Variants in PLCH1 observed in about 807,000 individuals in gnomAD.
The protein encoded by PLCH1 is phospholipase C eta 1, also known as 1-phosphatidylinositol 4,5-bisphosphate phosphodiesterase eta-1.
Under a neutral mutation model 126.7 loss-of-function variants are expected in PLCH1, and 60 were observed. That is an observed-to-expected ratio of 0.47 (90% CI 0.38 to 0.59). The LOEUF (loss-of-function observed/expected upper bound fraction) is 0.59. Among genes scored for constraint, PLCH1 ranks in the 20% least tolerant of loss-of-function variants. The probability of loss-of-function intolerance (pLI) is 0.00; values close to 1 mark genes in which losing one functional copy is unlikely to be tolerated. For synonymous variants in PLCH1, 719 were observed against 734.9 expected, an observed-to-expected ratio of 0.98 and a Z score of 0.35; for missense variants, 1,723 against 2,040.0, an observed-to-expected ratio of 0.84 and a Z score of 2.99.
intron 2 of PLCH1, among the ~76,000 whole-genome samples, chr3:155,612,908 T>TAAAAAAA (rs59489759): frequency 0.026 from 2,406 of 93,966 alleles, 67 homozygotes; most frequent in African/African-American, 0.06. Context: ...AACTGTGTAT[T>TAAAAAAA]AAAAAAAAAA....
At chr3:155,554,758 TG>T (rs1248257821) in intron 8 of PLCH1, among the ~76,000 whole-genome samples, 1 of 152,252 alleles carries the variant, frequency 6.6e-6, no homozygotes, top group Non-Finnish European at 1.5e-5. Flanking sequence ...TATGTGAATT[TG>T]GGCAAATAAC....
intron 12 of PLCH1, among the ~76,000 whole-genome samples, chr3:155,512,639 C>T (rs1020986230): frequency 2.0e-5 from 3 of 152,104 alleles, no homozygotes; most frequent in African/African-American, 7.2e-5. Context: ...AGCACGGTAC[C>T]AGGAAATGAA....
At chr3:155,636,056 AT>A (rs1738681613) in intron 2 of PLCH1, among the ~76,000 whole-genome samples, 1 of 152,170 alleles carries the variant, frequency 6.6e-6, no homozygotes, top group Non-Finnish European at 1.5e-5. Flanking sequence ...GCCTCAAATC[AT>A]TTCATCGTAT....
At chr3:155,543,683 G>A (rs983745166) in intron 10 of PLCH1, among the ~76,000 whole-genome samples, 3 of 151,722 alleles carry the variant, frequency 2.0e-5, no homozygotes, top group African/African-American at 2.4e-5. Context: ...GACTAACAGC[G>A]GATCTCTCGG....
intron 10 of PLCH1, among the ~76,000 whole-genome samples, chr3:155,529,749 A>C (rs1234587139): frequency 1.3e-5 from 1 of 79,334 alleles, no homozygotes; most frequent in African/African-American, 3.8e-5. Flanking sequence ...GACTGTGGCA[A>C]TTTGCTTCTT....
intron 2 of PLCH1, among the ~76,000 whole-genome samples, chr3:155,670,335 CA>C (rs1743281170): frequency 6.6e-6 from 1 of 152,072 alleles, no homozygotes; most frequent in Non-Finnish European, 1.5e-5. Flanking sequence ...TATATTTTCT[CA>C]AGTTTTATCT....
At chr3:155,655,065 T>G (rs1332198889) in intron 2 of PLCH1, among the ~76,000 whole-genome samples, 1 of 152,220 alleles carries the variant, frequency 6.6e-6, no homozygotes, top group African/African-American at 2.4e-5. Flanking sequence ...AGATGTTATA[T>G]GGTTCACTCC....
intron 13 of PLCH1, among the ~76,000 whole-genome samples, chr3:155,502,681 T>C (rs912257915): frequency 6.6e-6 from 1 of 152,234 alleles, no homozygotes; most frequent in African/African-American, 2.4e-5. Flanking sequence ...TTTTGACACA[T>C]CTTTTCATGG....
Position 155,593,940 on chromosome 3 carries a change from T to C in PLCH1, c.470+1A>G. ...TGAAAATAAAGTTCTAGAAAGGATA[T>C]TGGTCATGGGTCCTCTGCCTTTTGG... On this transcript the variant is annotated splice_donor_variant, in intron 4 of 22. Coordinates refer to ENST00000460012, the MANE Select transcript of PLCH1 (RefSeq NM_014996.4). LOFTEE classifies it high-confidence loss of function. 4 of 1,613,914 alleles carry C rather than the reference T, an allele frequency of 2.5e-6. No individual in the cohort carries two copies. The highest frequency in any genetic ancestry group is 2.5e-6 in the Non-Finnish European group (3 of 1,179,906).
chr3:155,464,926 C>T (rs559211524), intron 21 of PLCH1, among the ~76,000 whole-genome samples: 16 of 151,956 alleles, frequency 1.1e-4, no homozygotes, highest in Non-Finnish European at 1.8e-4. Flanking sequence ...CTGGCTAACA[C>T]AGTGAAACCC....
intron 13 of PLCH1, among the ~76,000 whole-genome samples, chr3:155,503,081 A>T (rs375731953): frequency 6.6e-6 from 1 of 152,080 alleles, no homozygotes; most frequent in Admixed American, 6.5e-5. Flanking sequence ...ATCTTTTTTC[A>T]CTATTTTATT....
At chr3:155,537,087 G>A (rs1191888976) in intron 10 of PLCH1, among the ~76,000 whole-genome samples, 12 of 151,534 alleles carry the variant, frequency 7.9e-5, no homozygotes, top group African/African-American at 2.9e-4. Flanking sequence ...TGATAAATAA[G>A]GGAAAGATAA....
intron 2 of PLCH1, among the ~76,000 whole-genome samples, chr3:155,693,081 C>A (rs1745531089): frequency 6.6e-6 from 1 of 152,002 alleles, no homozygotes; most frequent in African/African-American, 2.4e-5. Flanking sequence ...GCCTAATCAT[C>A]AGCATTTTTT....
At chr3:155,653,664 C>T (rs1741037938) in intron 2 of PLCH1, among the ~76,000 whole-genome samples, 1 of 152,114 alleles carries the variant, frequency 6.6e-6, no homozygotes, top group African/African-American at 2.4e-5. Flanking sequence ...CAACTTTTCT[C>T]TTCAAATCTC....
At chr3:155,542,696 G>C (rs1724525909) in intron 10 of PLCH1, among the ~76,000 whole-genome samples, 1 of 152,184 alleles carries the variant, frequency 6.6e-6, no homozygotes, top group Non-Finnish European at 1.5e-5. Context: ...AAAACTTCCA[G>C]AGAAACAACC....
At chr3:155,563,975 T>C (rs1480236398) in intron 8 of PLCH1, among the ~76,000 whole-genome samples, 1 of 152,090 alleles carries the variant, frequency 6.6e-6, no homozygotes, top group African/African-American at 2.4e-5. Flanking sequence ...CTCACTGTGT[T>C]GCTCAGACTG....
At chr3:155,731,324 G>A (rs1364595223) in intron 1 of PLCH1, among the ~76,000 whole-genome samples, 1 of 152,190 alleles carries the variant, frequency 6.6e-6, no homozygotes, top group African/African-American at 2.4e-5. Context: ...GTCTGCCTCT[G>A]TGGATCCAGA....
chr3:155,623,054 A>G (rs1372434111), intron 2 of PLCH1, among the ~76,000 whole-genome samples: 1 of 152,194 alleles, frequency 6.6e-6, no homozygotes, highest in East Asian at 1.9e-4. Flanking sequence ...AGAAATCAAA[A>G]CAAACAGTCT....
chr3:155,685,803 A>T (rs566940343), intron 2 of PLCH1, among the ~76,000 whole-genome samples: 1 of 152,312 alleles, frequency 6.6e-6, no homozygotes, highest in African/African-American at 2.4e-5. Flanking sequence ...CCCCTCAATT[A>T]TAAAGAATTT....
Sources: gnomAD v4.1 joint callset for allele counts (sites outside exome capture counted in the v4.1 genomes callset) on GRCh38, gnomAD v4.1.1 for gene constraint, MANE v1.5 for transcripts, NCBI Gene and HGNC (gene_info 2026-07-23, HGNC 2026-07-21) for gene names.